MIPOL1: variants seen among roughly 807,000 people sequenced by gnomAD.
The protein encoded by MIPOL1 is mirror-image polydactyly gene 1 protein.
A neutral mutation model predicts 60.9 loss-of-function variants in MIPOL1; 57 were observed. The ratio of observed to expected loss-of-function variants is 0.94; its 90% CI spans 0.76 to 1.17. The LOEUF is 1.17. MIPOL1 is among the 50% of genes most tolerant of loss of function. The pLI is 0.00. For missense variants in MIPOL1, 551 were observed against 511.6 expected, an observed-to-expected ratio of 1.08 and a Z score of -0.74; for synonymous variants, 179 against 168.8, an observed-to-expected ratio of 1.06 and a Z score of -0.47.
intron 5 of MIPOL1, among the ~76,000 whole-genome samples, 173 bp from the exon 6 acceptor site, chr14:37,270,247 G>A (rs1440166719): frequency 6.6e-6 from 1 of 152,008 alleles, no homozygotes; most frequent in East Asian, 1.9e-4. Context: ...TATAACTACA[G>A]GTAATTATTA....
chr14:37,247,903 A>C lies in MIPOL1; in HGVS notation c.15A>C (p.Ser5=). Residue 5 remains serine (S), a synonymous_variant, in exon 3 of 13, where the codon TCA becomes TCC. Coordinates refer to ENST00000684589, the MANE Select transcript of MIPOL1 (RefSeq NM_001388067.1). MENW[S]KDITHSYLEQ... ...CAGAAATACAAATGGAGAACTGGTCAAAAGGTAAGGACTTTTAAGGTATTA... is the reference window on the plus strand; with the variant it reads ...CAGAAATACAAATGGAGAACTGGTCCAAAGGTAAGGACTTTTAAGGTATTA... 1 of 1,613,294 alleles carries C rather than the reference A, an allele frequency of 6.2e-7. No individual in the cohort carries two copies. Among genetic ancestry groups the C allele is most frequent in the East Asian group, 2.2e-5 (1 of 44,802 alleles).
At chr14:37,498,476 A>G (rs1166201658) in intron 11 of MIPOL1, among the ~76,000 whole-genome samples, 2 of 152,174 alleles carry the variant, frequency 1.3e-5, no homozygotes. Context: ...GGAACTTGGA[A>G]CAGACAAGAA....
intron 1 of MIPOL1, among the ~76,000 whole-genome samples, chr14:37,214,443 T>C (rs923428585): frequency 1.3e-5 from 2 of 152,164 alleles, no homozygotes; most frequent in Non-Finnish European, 2.9e-5. Flanking sequence ...GCAAGCCTCA[T>C]TGTGGGCGGC....
chr14:37,423,072 T>A, intron 11 of MIPOL1, 123 bp downstream of exon 11: 1 of 593,826 alleles, frequency 1.7e-6, no homozygotes, highest in South Asian at 2.4e-5. Context: ...ACTTAAAGCA[T>A]TTTTATAACT....
chr14:37,422,821 A>G, intron 10 of MIPOL1, 34 bp from the exon 11 acceptor site: 2 of 1,392,310 alleles, frequency 1.4e-6, no homozygotes, highest in South Asian at 2.5e-5. Flanking sequence ...ACCAAAATGA[A>G]TACTGAATTT....
At chr14:37,295,493 A>G (rs1311065920) in intron 7 of MIPOL1, among the ~76,000 whole-genome samples, 1 of 152,220 alleles carries the variant, frequency 6.6e-6, no homozygotes, top group Non-Finnish European at 1.5e-5. Context: ...TGCTCCAATT[A>G]AAAGGCACAG....
chr14:37,259,071 G>T (rs1280163721), intron 3 of MIPOL1, among the ~76,000 whole-genome samples: 1 of 152,028 alleles, frequency 6.6e-6, no homozygotes, highest in South Asian at 2.1e-4. Context: ...GAGTATAAAG[G>T]ATGCAGTTTA....
At chr14:37,326,457 A>G (rs112764578) in intron 9 of MIPOL1, among the ~76,000 whole-genome samples, 1 of 151,960 alleles carries the variant, frequency 6.6e-6, no homozygotes, top group East Asian at 1.9e-4. Context: ...GCAGATCCAT[A>G]TCCAGAGGAA....
intron 9 of MIPOL1, among the ~76,000 whole-genome samples, chr14:37,345,782 A>G (rs914762652): frequency 1.3e-5 from 2 of 152,140 alleles, no homozygotes; most frequent in Non-Finnish European, 2.9e-5. Flanking sequence ...ATACACATAA[A>G]CACTCGTATT....
intron 3 of MIPOL1, among the ~76,000 whole-genome samples, chr14:37,254,515 G>A (rs913379002): frequency 2.0e-5 from 3 of 151,654 alleles, no homozygotes; most frequent in African/African-American, 7.3e-5. Flanking sequence ...AAATTGAGTT[G>A]AAAGTACAGA....
chr14:37,382,634 A>G (rs985132985), intron 10 of MIPOL1, among the ~76,000 whole-genome samples: 2 of 152,026 alleles, frequency 1.3e-5, no homozygotes, highest in African/African-American at 4.8e-5. Flanking sequence ...TAACATTCAC[A>G]GACTGACATA....
intron 11 of MIPOL1, among the ~76,000 whole-genome samples, chr14:37,429,911 A>C: frequency 6.6e-6 from 1 of 152,134 alleles, no homozygotes; most frequent in East Asian, 1.9e-4. Flanking sequence ...CGAGTTGATA[A>C]GAAAAGTCAC....
At chr14:37,433,883 T>C (rs1038150241) in intron 11 of MIPOL1, among the ~76,000 whole-genome samples, 6 of 152,190 alleles carry the variant, frequency 3.9e-5, no homozygotes, top group East Asian at 1.9e-4. Context: ...TATGGCTGCA[T>C]AGTAGTCCAT....
intron 12 of MIPOL1, among the ~76,000 whole-genome samples, chr14:37,545,354 G>C (rs796405841): frequency 7.9e-5 from 12 of 152,246 alleles, no homozygotes; most frequent in African/African-American, 2.9e-4. Context: ...TTCATGTAGT[G>C]CTATGAGTCA....
chr14:37,527,657 A>G (rs1723553629), intron 12 of MIPOL1, among the ~76,000 whole-genome samples: 1 of 152,238 alleles, frequency 6.6e-6, no homozygotes, highest in South Asian at 2.1e-4. Context: ...AGCCTCTGAG[A>G]TAGTCTTAAC....
At chr14:37,526,614 C>T (rs1214629381) in intron 12 of MIPOL1, among the ~76,000 whole-genome samples, 1 of 150,322 alleles carries the variant, frequency 6.7e-6, no homozygotes. Context: ...ATCTCCTGAC[C>T]TTGTGATCTG....
chr14:37,477,680 C>T (rs10129947), intron 11 of MIPOL1, among the ~76,000 whole-genome samples: 57,966 of 152,008 alleles, frequency 0.38, 13,189 homozygotes, highest in Non-Finnish European at 0.51. Flanking sequence ...AATGCAGGGA[C>T]ACAACACACA....
At chr14:37,522,534 C>T (rs765195997) in intron 12 of MIPOL1, among the ~76,000 whole-genome samples, 1 of 152,120 alleles carries the variant, frequency 6.6e-6, no homozygotes, top group Non-Finnish European at 1.5e-5. Flanking sequence ...TTGTATGATA[C>T]TAGCCTCAGA....
Position 37,305,674 on chromosome 14 carries a change from T to C in MIPOL1, c.624-2382T>C, listed in dbSNP as rs143722702. Among the ~76,000 whole-genome samples the C allele has an allele frequency of 5.1e-3, 771 of 151,998 alleles. 5 individuals carry two copies. The highest frequency in any genetic ancestry group is 0.017 in the African/African-American group (725 of 41,542). On this transcript the variant is annotated intron_variant, in intron 7 of 12. Transcript: ENST00000684589. ...AAATACAAGTAGAGAAATACAAGTA[T>C]CAACTTTTTCTCTTTCCAGACTCAT...
Sources: allele counts gnomAD v4.1 joint callset (sites outside exome capture counted in the v4.1 genomes callset), GRCh38; gene constraint gnomAD v4.1.1; transcripts MANE v1.5; gene names NCBI Gene and HGNC (gene_info 2026-07-23, HGNC 2026-07-21).